Variants in DSG3 observed in about 807,000 individuals in gnomAD.
DSG3 encodes desmoglein 3.
In DSG3, 63 loss-of-function variants were observed where a neutral mutation model predicts 85.9. The observed-to-expected ratio is 0.73, with a 90% CI of 0.60 to 0.90. The LOEUF (loss-of-function observed/expected upper bound fraction) is 0.90. DSG3 is among the 40% of genes least tolerant of loss of function. DSG3 has a pLI of 0.00. For missense variants in DSG3, 1,220 were observed against 1,219.9 expected (o/e 1.00, Z 0.00); for synonymous variants, 447 against 441.9 (o/e 1.01, Z -0.14).
chr18:31,473,410 C>T (rs1411294893), intron 14 of DSG3, among the ~76,000 whole-genome samples: 1 of 152,208 alleles, frequency 6.6e-6, no homozygotes, highest in East Asian at 1.9e-4. Context: ...GCCACAACTA[C>T]TCAGTGAACT....
Position 31,461,211 on chromosome 18 carries a change from C to T in DSG3, c.814-16C>T, listed in dbSNP as rs905552550. 4 of 1,600,512 alleles carry T rather than the reference C, an allele frequency of 2.5e-6. No individual in the cohort carries two copies. The African/African-American group carries it at 4.0e-5, about 16-fold the overall frequency. On this transcript the variant is annotated splice_polypyrimidine_tract_variant and intron_variant, in intron 7 of 15. Transcript: ENST00000257189. ...ACCTGTCATTAGGTCTTTAATTCTG[C>T]TTCTCGCCTTTTCAGTATTCAGCAC...
intron 4 of DSG3, 121 bp from the exon 5 acceptor site, chr18:31,458,912 G>A (rs1598778228): frequency 2.3e-6 from 3 of 1,280,466 alleles, no homozygotes; most frequent in South Asian, 2.8e-5. Context: ...TACCCTTTGG[G>A]GAAACATTTC....
intron 12 of DSG3, 128 bp from the exon 13 acceptor site, chr18:31,472,156 T>C: frequency 5.8e-6 from 8 of 1,385,078 alleles, no homozygotes; most frequent in Non-Finnish European, 7.8e-6. Flanking sequence ...TAATTTTGGT[T>C]TTCATTAGGA....
At chr18:31,464,559 G>C (rs1197700876) in intron 9 of DSG3, among the ~76,000 whole-genome samples, 177 bp downstream of exon 9, 1 of 152,094 alleles carries the variant, frequency 6.6e-6, no homozygotes, top group African/African-American at 2.4e-5. Flanking sequence ...TCATCTAACT[G>C]TACTAGAAGC....
chr18:31,469,236 G>A lies in DSG3; in HGVS notation c.1784G>A (p.Cys595Tyr). 6.2e-7 allele frequency: 1 copy of A among 1,614,192 alleles called. No homozygotes were observed. Among genetic ancestry groups the A allele is most frequent in the Non-Finnish European group, 8.5e-7 (1 of 1,180,032 alleles). ...TGTCAGTGTGACAACAGGGGCATCT[G>A]TGGAACTTCTTACCCAACCACAAGC... The part of the protein sequence containing the change: ...EVCQCDNRGI[C>Y]GTSYPTTSPG... The change falls in exon 12 of 16, where the codon TGT becomes TAT. Residue 595 changes from cysteine to tyrosine, a missense_variant. Physicochemically the swap from Cys to Tyr is radical, Grantham distance 194. Coordinates refer to ENST00000257189, the MANE Select transcript of DSG3 (RefSeq NM_001944.3).
intron 4 of DSG3, 151 bp from the exon 5 acceptor site, chr18:31,458,882 G>A: frequency 9.5e-7 from 1 of 1,048,320 alleles, no homozygotes; most frequent in South Asian, 1.7e-5. Context: ...CCCAGAGCAG[G>A]CACCTTTTTC....
At chr18:31,454,130 A>G (rs533437606) in intron 1 of DSG3, among the ~76,000 whole-genome samples, 87 of 152,282 alleles carry the variant, frequency 5.7e-4, no homozygotes, top group African/African-American at 1.9e-3. Flanking sequence ...CCCATCACCT[A>G]CTTCCTGGGA....
intron 3 of DSG3, among the ~76,000 whole-genome samples, 170 bp from the exon 4 acceptor site, chr18:31,458,275 G>T (rs932757201): frequency 6.6e-6 from 1 of 152,028 alleles, no homozygotes; most frequent in Non-Finnish European, 1.5e-5. Flanking sequence ...CAAAAACAAC[G>T]GTTTGATTTT....
At chr18:31,450,496 C>T (rs1356600418) in intron 1 of DSG3, among the ~76,000 whole-genome samples, 1 of 152,160 alleles carries the variant, frequency 6.6e-6, no homozygotes, top group Non-Finnish European at 1.5e-5. Context: ...GGGGGAAAAG[C>T]AATGTTTTCT....
chr18:31,450,517 C>A (rs1286809467), intron 1 of DSG3, among the ~76,000 whole-genome samples: 1 of 152,146 alleles, frequency 6.6e-6, no homozygotes, highest in Non-Finnish European at 1.5e-5. Flanking sequence ...AAAGCATTCT[C>A]AAGTGGGAAT....
At chr18:31,458,107 A>G (rs1049666616) in intron 3 of DSG3, among the ~76,000 whole-genome samples, 2 of 151,970 alleles carry the variant, frequency 1.3e-5, no homozygotes, top group African/African-American at 4.8e-5. Flanking sequence ...TTGTTTTTTA[A>G]TGTTGTCAGG....
At chr18:31,457,551 T>TTC (rs1444323234) in intron 3 of DSG3, among the ~76,000 whole-genome samples, 1 of 110,238 alleles carries the variant, frequency 9.1e-6, no homozygotes, top group African/African-American at 3.9e-5. Context: ...TTCTTTCTCT[T>TTC]TCTTTCTTTC....
At position 31,458,482 on chromosome 18, in the gene DSG3, A is replaced by T; in HGVS notation, c.254A>T (p.Tyr85Phe). Reference protein sequence around the residue: ...SDYQATQKITYRISGVGIDQP... With the variant: ...SDYQATQKITFRISGVGIDQP... The stretch of plus-strand genomic sequence containing the variant: ...TACCAAGCAACCCAGAAAATCACCT[A>T]CCGAATCTCTGGAGTGGGAATCGAT... Residue 85 changes from tyrosine (Y) to phenylalanine (F), a missense_variant, in exon 4 of 16, where the codon TAC (tyrosine) becomes TTC (phenylalanine). By Grantham distance (22) the Tyr-to-Phe change is conservative. Coordinates refer to ENST00000257189, the MANE Select transcript of DSG3 (RefSeq NM_001944.3). The T allele has an allele frequency of 6.2e-7, 1 of 1,614,080 alleles. No homozygotes were observed. Among genetic ancestry groups the T allele is most frequent in the Non-Finnish European group, 8.5e-7 (1 of 1,179,970 alleles).
chr18:31,461,136 T>A, intron 7 of DSG3, 91 bp from the exon 8 acceptor site: 1 of 1,284,830 alleles, frequency 7.8e-7, no homozygotes, highest in Non-Finnish European at 1.1e-6. Context: ...AATACATAAT[T>A]TGAGAAATAA....
chr18:31,457,783 A>G (rs1276466513), intron 3 of DSG3, among the ~76,000 whole-genome samples: 2 of 151,744 alleles, frequency 1.3e-5, no homozygotes, highest in African/African-American at 4.8e-5. Context: ...GTGTGCCACC[A>G]TGCCCGGCTA....
Position 31,470,075 on chromosome 18 carries a change from G to T in DSG3, c.1897+726G>T, listed in dbSNP as rs1468280466. 3.3e-5 allele frequency among the ~76,000 whole-genome samples: 5 copies of T among 152,008 alleles called. No homozygotes were observed. The South Asian group carries it at 1.0e-3, about 31-fold the overall frequency. On this transcript the variant is annotated intron_variant, in intron 12 of 15. Coordinates refer to ENST00000257189, the MANE Select transcript of DSG3 (RefSeq NM_001944.3). ...AAATTTATTCAATAGATAGGTTTCTGAAAAGTTGTATTTGAATCAAAATCA... is the reference window on the plus strand; with the variant it reads ...AAATTTATTCAATAGATAGGTTTCTTAAAAGTTGTATTTGAATCAAAATCA...
At chr18:31,469,803 C>G (rs551435270) in intron 12 of DSG3, among the ~76,000 whole-genome samples, 1 of 152,040 alleles carries the variant, frequency 6.6e-6, no homozygotes, top group Non-Finnish European at 1.5e-5. Context: ...GATATCACCA[C>G]ATGCTATTAA....
intron 3 of DSG3, 54 bp downstream of exon 3, chr18:31,457,178 A>G: frequency 2.6e-6 from 4 of 1,533,970 alleles, no homozygotes; most frequent in South Asian, 1.3e-5. Flanking sequence ...TATAAGGTGT[A>G]AATTAAAATA....
intron 8 of DSG3, among the ~76,000 whole-genome samples, chr18:31,462,706 A>G (rs962494219): frequency 2.0e-5 from 3 of 151,892 alleles, no homozygotes; most frequent in Admixed American, 1.3e-4. Context: ...ACCCTCTTCT[A>G]CCTCCTTACT....
Sources: allele counts gnomAD v4.1 joint callset (sites outside exome capture counted in the v4.1 genomes callset), GRCh38; gene constraint gnomAD v4.1.1; transcripts MANE v1.5; gene names NCBI Gene and HGNC (gene_info 2026-07-23, HGNC 2026-07-21).